Variants in UBAC2 observed in about 807,000 individuals in gnomAD.
The protein encoded by UBAC2 is UBA domain containing 2, also known as ubiquitin-associated domain-containing protein 2.
Under a neutral mutation model 44.0 loss-of-function variants are expected in UBAC2, and 26 were observed. The observed-to-expected ratio is 0.59, with a 90% CI of 0.43 to 0.82. UBAC2 has a LOEUF of 0.82. Among genes scored for constraint, UBAC2 ranks in the 40% least tolerant of loss-of-function variants. UBAC2 has a pLI of 0.00. For missense variants in UBAC2, 329 were observed against 419.4 expected (o/e 0.78, Z 1.88); for synonymous variants, 155 against 154.3 (o/e 1.00, Z -0.04).
intron 6 of UBAC2, among the ~76,000 whole-genome samples, chr13:99,334,498 CCTA>C (rs2044759446): frequency 6.6e-6 from 1 of 152,050 alleles, no homozygotes; most frequent in African/African-American, 2.4e-5. Flanking sequence ...TTTCCAAGAA[CCTA>C]TCAGTGAGTT....
At chr13:99,336,377 T>C (rs9805153) in intron 6 of UBAC2, among the ~76,000 whole-genome samples, 25,557 of 152,254 alleles carry the variant, frequency 0.17, 2,382 homozygotes, top group Middle Eastern at 0.23. Context: ...TTGTACCTTA[T>C]GTTTCTTAAT....
chr13:99,303,837 A>G (rs1466521170), intron 4 of UBAC2, among the ~76,000 whole-genome samples: 1 of 152,218 alleles, frequency 6.6e-6, no homozygotes, highest in African/African-American at 2.4e-5. Flanking sequence ...CAACTCGGTC[A>G]TTCGCTCAGG....
chr13:99,341,724 G>A (rs1048481859), intron 7 of UBAC2, among the ~76,000 whole-genome samples: 1 of 152,170 alleles, frequency 6.6e-6, no homozygotes, highest in Non-Finnish European at 1.5e-5. Flanking sequence ...ATGAAGCCTC[G>A]TATTTAGCAG....
intron 1 of UBAC2, among the ~76,000 whole-genome samples, chr13:99,213,251 C>T (rs1057246100): frequency 7.3e-5 from 11 of 149,978 alleles, no homozygotes; most frequent in Non-Finnish European, 1.3e-4. Flanking sequence ...GATGGGATTT[C>T]GCCATTTGGG....
chr13:99,332,151 T>C (rs1056130937), intron 6 of UBAC2, among the ~76,000 whole-genome samples: 1 of 152,036 alleles, frequency 6.6e-6, no homozygotes, highest in African/African-American at 2.4e-5. Context: ...CAGCTTGCCT[T>C]GTGGGTTTTT....
At chr13:99,310,172 T>G (rs1310895034) in intron 4 of UBAC2, among the ~76,000 whole-genome samples, 1 of 152,078 alleles carries the variant, frequency 6.6e-6, no homozygotes, top group Non-Finnish European at 1.5e-5. Flanking sequence ...AAAAAAAGTT[T>G]AAAAATTAGC....
intron 8 of UBAC2, among the ~76,000 whole-genome samples, chr13:99,378,177 C>G (rs2138922959): frequency 6.6e-6 from 1 of 152,308 alleles, no homozygotes; most frequent in South Asian, 2.1e-4. Context: ...ACCATCTCAG[C>G]TATTTCACCA....
At chr13:99,333,053 G>C (rs568018852) in intron 6 of UBAC2, among the ~76,000 whole-genome samples, 49 of 152,196 alleles carry the variant, frequency 3.2e-4, no homozygotes, top group Non-Finnish European at 5.6e-4. Flanking sequence ...CTTGAAGCCA[G>C]GAGTTTGAGA....
intron 5 of UBAC2, 71 bp from the exon 6 acceptor site, chr13:99,317,951 A>G: frequency 8.2e-7 from 1 of 1,221,004 alleles, no homozygotes; most frequent in South Asian, 1.3e-5. Flanking sequence ...GACTATAGTT[A>G]TGTAAAAATA....
intron 4 of UBAC2, chr13:99,307,555 G>A (rs2044354301): frequency 6.6e-6 from 1 of 151,068 alleles, no homozygotes; most frequent in South Asian, 2.1e-4. Flanking sequence ...TGTTTTAAAT[G>A]GGAAGTGAAA....
intron 7 of UBAC2, among the ~76,000 whole-genome samples, chr13:99,356,616 T>C (rs1312624378): frequency 6.6e-6 from 1 of 152,164 alleles, no homozygotes; most frequent in African/African-American, 2.4e-5. Flanking sequence ...GATCATCTCC[T>C]TTCCCTCTAG....
intron 4 of UBAC2, among the ~76,000 whole-genome samples, chr13:99,286,632 C>T (rs2138697480): frequency 6.6e-6 from 1 of 152,242 alleles, no homozygotes; most frequent in African/African-American, 2.4e-5. Flanking sequence ...CCATATGTGG[C>T]TTTTCAACCT....
At chr13:99,377,531 G>C (rs1174801775) in intron 8 of UBAC2, 1 of 152,066 alleles carries the variant, frequency 6.6e-6, no homozygotes, top group Non-Finnish European at 1.5e-5. Flanking sequence ...GCTAAAATGT[G>C]GTGCTTTCGA....
At chr13:99,278,186 G>T (rs951065348) in intron 4 of UBAC2, among the ~76,000 whole-genome samples, 1 of 152,222 alleles carries the variant, frequency 6.6e-6, no homozygotes, top group Non-Finnish European at 1.5e-5. Context: ...CTATTTAAAA[G>T]AATCCATTAT....
rs11842272 is a variant in UBAC2, at chr13:99,240,450, C to A, written c.159+1896C>A. 1.4e-3 allele frequency among the ~76,000 whole-genome samples: 211 copies of A among 152,230 alleles called. 2 individuals are homozygous for A. Among genetic ancestry groups the A allele is most frequent in the African/African-American group, 5.0e-3 (206 of 41,524 alleles). On this transcript the variant is annotated intron_variant, in intron 2 of 8. Transcript: ENST00000403766. ...ATTACAAACTCTCCATTTCCTTAAT[C>A]CTCAGATTTTCTTAGTGGCTCTCAG...
intron 4 of UBAC2, among the ~76,000 whole-genome samples, chr13:99,312,021 G>A (rs1220897244): frequency 1.3e-5 from 2 of 152,246 alleles, no homozygotes; most frequent in African/African-American, 4.8e-5. Context: ...CCTGCACTTA[G>A]GCCTTACTGG....
At position 99,299,393 on chromosome 13, in the gene UBAC2, A is replaced by G. The variant is rs139073025; in HGVS notation, c.390-14704A>G. ...CTGTTTCTTGACTGGGAATTATGTT[A>G]AGTGAGGAAAGCAGATTATACAACA... On this transcript the variant is annotated intron_variant, in intron 4 of 8. Coordinates refer to ENST00000403766, the MANE Select transcript of UBAC2 (RefSeq NM_001144072.2). 3.8e-3 allele frequency among the ~76,000 whole-genome samples: 574 copies of G among 152,288 alleles called. 6 individuals carry two copies. Among genetic ancestry groups the G allele is most frequent in the South Asian group, 0.011 (52 of 4,824 alleles).
At chr13:99,353,632 C>T (rs1336206576) in intron 7 of UBAC2, among the ~76,000 whole-genome samples, 4 of 152,036 alleles carry the variant, frequency 2.6e-5, no homozygotes, top group Non-Finnish European at 5.9e-5. Context: ...TTTGAAAGGA[C>T]GAATGAATTT....
Position 99,295,902 on chromosome 13 carries a change from T to G in UBAC2, c.390-18195T>G. On this transcript the variant is annotated intron_variant, in intron 4 of 8. Transcript: ENST00000403766. This position sits in a 1 kb window ranked among gnomAD's most constrained non-coding sequence, Gnocchi z 4.1. ...TAGGCTATTCGTGTAGGCAAAGCGG[T>G]GGTAAAAAGTATATCAGAAATCACC... 2 of 1,612,932 alleles carry G rather than the reference T, an allele frequency of 1.2e-6. No individual in the cohort carries two copies. The highest frequency in any genetic ancestry group is 1.7e-6 in the Non-Finnish European group (2 of 1,179,308).
Sources: allele counts gnomAD v4.1 joint callset (sites outside exome capture counted in the v4.1 genomes callset), GRCh38; gene constraint gnomAD v4.1.1; non-coding constraint Gnocchi (gnomAD v3.1); transcripts MANE v1.5; gene names NCBI Gene and HGNC (gene_info 2026-07-23, HGNC 2026-07-21).